Variants in DAB1 observed in about 807,000 individuals in gnomAD.
DAB1 encodes disabled homolog 1.
Under a neutral mutation model 64.6 loss-of-function variants are expected in DAB1, and 15 were observed. The ratio of observed to expected loss-of-function variants is 0.23; its 90% CI spans 0.16 to 0.36. The LOEUF (loss-of-function observed/expected upper bound fraction) is 0.36. Ranked by LOEUF, DAB1 falls within the 10% of genes least tolerant of loss-of-function variation. The pLI is 1.00. For synonymous variants in DAB1, 235 were observed against 251.9 expected, an observed-to-expected ratio of 0.93 and a Z score of 0.64; for missense variants, 596 against 706.7, an observed-to-expected ratio of 0.84 and a Z score of 1.78.
At chr1:57,178,068 A>G (rs1662522329) in intron 2 of DAB1, among the ~76,000 whole-genome samples, 1 of 152,208 alleles carries the variant, frequency 6.6e-6, no homozygotes. Context: ...AGATATAGCC[A>G]TGGGCGAAAA....
intron 1 of DAB1, among the ~76,000 whole-genome samples, chr1:57,360,493 A>C (rs1679461900): frequency 6.6e-6 from 1 of 151,234 alleles, no homozygotes. Context: ...TTCACTGTGC[A>C]TCATGTTTAA....
chr1:57,379,930 A>G (rs1681229095), intron 1 of DAB1, among the ~76,000 whole-genome samples: 1 of 152,218 alleles, frequency 6.6e-6, no homozygotes, highest in African/African-American at 2.4e-5. Flanking sequence ...CCATTTGCCA[A>G]ACGGAAGTGG....
intron 5 of DAB1, among the ~76,000 whole-genome samples, chr1:58,126,217 T>A (rs1653069669): frequency 2.0e-5 from 3 of 152,150 alleles, no homozygotes; most frequent in Admixed American, 6.5e-5. Context: ...CCCATTTGCT[T>A]AACCAGAGCC....
At chr1:57,976,530 C>T (rs1351228836) in intron 5 of DAB1, among the ~76,000 whole-genome samples, 1 of 152,086 alleles carries the variant, frequency 6.6e-6, no homozygotes, top group Admixed American at 6.6e-5. Flanking sequence ...GGTTGGTTTG[C>T]GTGCTTGGGA....
chr1:58,040,656 T>C (rs1018809714), intron 5 of DAB1, among the ~76,000 whole-genome samples: 3 of 152,178 alleles, frequency 2.0e-5, no homozygotes, highest in African/African-American at 7.2e-5. Context: ...GGAAGAGGAA[T>C]CACAGAGTTA....
At chr1:57,426,065 A>T (rs1685273476), upstream of DAB1, among the ~76,000 whole-genome samples, 1 of 152,228 alleles carries the variant, frequency 6.6e-6, no homozygotes, top group South Asian at 2.1e-4. Flanking sequence ...CTAAATTCTC[A>T]TTGACTGCCA....
intron 2 of DAB1, among the ~76,000 whole-genome samples, chr1:57,238,012 G>A (rs1668218689): frequency 6.6e-6 from 1 of 152,158 alleles, no homozygotes; most frequent in Non-Finnish European, 1.5e-5. Flanking sequence ...ACAAGTCCAG[G>A]CCTGACAGGG....
chr1:57,103,784 C>T lies in DAB1; in HGVS notation c.307-31370G>A, dbSNP rs535016324. Among the ~76,000 whole-genome samples the T allele has an allele frequency of 5.3e-4, 80 of 152,244 alleles. 1 individual carries two copies. The South Asian group carries it at 0.011, about 21-fold the overall frequency. ...TATATTTTAAAAGGATTGCTTGTGG[C>T]TTGGTTCTGCAGAGTGGGTTGAAAT... On this transcript the variant is annotated intron_variant, in intron 4 of 14. Coordinates refer to ENST00000371236, the MANE Select transcript of DAB1 (RefSeq NM_001365792.1).
chr1:58,535,910 T>C (rs552462705), intron 1 of DAB1, among the ~76,000 whole-genome samples: 3 of 152,270 alleles, frequency 2.0e-5, no homozygotes, highest in East Asian at 3.9e-4. Context: ...GGTATAAGAA[T>C]TCTGACTATA....
At chr1:57,454,773 A>G (rs1246007778) in intron 7 of DAB1, among the ~76,000 whole-genome samples, 2 of 152,036 alleles carry the variant, frequency 1.3e-5, no homozygotes, top group African/African-American at 4.8e-5. Context: ...GTGGCTAAAG[A>G]CCCCAGAAAC....
At chr1:57,490,389 A>G (rs1644147032) in intron 7 of DAB1, among the ~76,000 whole-genome samples, 1 of 152,140 alleles carries the variant, frequency 6.6e-6, no homozygotes, top group African/African-American at 2.4e-5. Flanking sequence ...ATTATTTATT[A>G]CATATTTAAT....
At chr1:58,031,827 T>C (rs1646974460) in intron 5 of DAB1, among the ~76,000 whole-genome samples, 1 of 152,148 alleles carries the variant, frequency 6.6e-6, no homozygotes, top group Non-Finnish European at 1.5e-5. Context: ...GAGGAAGGTT[T>C]AGACTCTGGA....
At chr1:57,066,007 A>G (rs1332428850) in intron 8 of DAB1, among the ~76,000 whole-genome samples, 2 of 152,212 alleles carry the variant, frequency 1.3e-5, no homozygotes, top group South Asian at 4.1e-4. Context: ...CACATTCCGT[A>G]CTATACATAC....
chr1:58,069,533 T>C (rs998388442), intron 5 of DAB1, among the ~76,000 whole-genome samples: 1 of 152,120 alleles, frequency 6.6e-6, no homozygotes, highest in African/African-American at 2.4e-5. Flanking sequence ...ATTTTAAAAA[T>C]AAACATGCTA....
intron 7 of DAB1, among the ~76,000 whole-genome samples, chr1:57,500,365 C>T (rs574660205): frequency 3.9e-5 from 6 of 152,282 alleles, no homozygotes; most frequent in South Asian, 4.1e-4. Flanking sequence ...CAACATGTCT[C>T]GAGATGAAGA....
At chr1:58,221,179 C>T (rs948613721) in intron 4 of DAB1, among the ~76,000 whole-genome samples, 1 of 151,956 alleles carries the variant, frequency 6.6e-6, no homozygotes, top group East Asian at 1.9e-4. Flanking sequence ...TCCAAGTCCC[C>T]ACTGAAATAC....
intron 5 of DAB1, among the ~76,000 whole-genome samples, chr1:58,138,035 T>C (rs1259635973): frequency 6.6e-6 from 1 of 152,188 alleles, no homozygotes; most frequent in Non-Finnish European, 1.5e-5. Flanking sequence ...ATAAACATAA[T>C]ATTATGATAT....
chr1:58,315,112 C>T (rs1662529136), intron 4 of DAB1, among the ~76,000 whole-genome samples: 1 of 152,148 alleles, frequency 6.6e-6, no homozygotes, highest in Non-Finnish European at 1.5e-5. Context: ...TGAGGGTGAG[C>T]TTTTAGAAAT....
At chr1:57,132,701 T>C (rs549668457) in intron 4 of DAB1, among the ~76,000 whole-genome samples, 25 of 152,120 alleles carry the variant, frequency 1.6e-4, no homozygotes, top group Non-Finnish European at 3.4e-4. Context: ...AGATAAGGGA[T>C]ACTCAACCTG....
Sources: allele counts gnomAD v4.1 joint callset (sites outside exome capture counted in the v4.1 genomes callset), GRCh38; gene constraint gnomAD v4.1.1; transcripts MANE v1.5; gene names NCBI Gene and HGNC (gene_info 2026-07-23, HGNC 2026-07-21).